The following ZPBP variants were observed in gnomAD, a reference collection of about 807,000 sequenced individuals.
ZPBP encodes zona pellucida binding protein, also known as zona pellucida-binding protein 1.
ZPBP carries 26 observed loss-of-function variants against 44.8 expected under a neutral mutation model. The ratio of observed to expected loss-of-function variants is 0.58; its 90% CI spans 0.43 to 0.81. The LOEUF (loss-of-function observed/expected upper bound fraction) is 0.81. Ranked by LOEUF, ZPBP falls within the 30% of genes least tolerant of loss-of-function variation. The pLI, the probability that ZPBP is intolerant of heterozygous loss-of-function variation, is 0.00. For synonymous variants in ZPBP, 174 were observed against 153.2 expected (o/e 1.14, Z -1.00); for missense variants, 409 against 434.0 (o/e 0.94, Z 0.51).
At chr7:50,009,522 T>TG (rs1798475099) in intron 6 of ZPBP, among the ~76,000 whole-genome samples, 1 of 152,002 alleles carries the variant, frequency 6.6e-6, no homozygotes, top group Non-Finnish European at 1.5e-5. Context: ...CAAGGCCTCC[T>TG]GCTTGCCATG....
At chr7:50,033,703 T>C (rs1208148939) in intron 4 of ZPBP, among the ~76,000 whole-genome samples, 1 of 151,878 alleles carries the variant, frequency 6.6e-6, no homozygotes, top group Non-Finnish European at 1.5e-5. Context: ...TATTTATTTA[T>C]TTATTTAGAG....
intron 6 of ZPBP, among the ~76,000 whole-genome samples, chr7:49,990,551 A>G (rs1366473675): frequency 6.6e-6 from 1 of 152,148 alleles, no homozygotes; most frequent in Non-Finnish European, 1.5e-5. Context: ...TGCACCCTGC[A>G]ACCCTGGGAC....
At position 50,001,849 on chromosome 7, in the gene ZPBP, G is replaced by C. The variant is rs138936471; in HGVS notation, c.783+16391C>G. On this transcript the variant is annotated intron_variant, in intron 6 of 7. Coordinates refer to ENST00000046087, the MANE Select transcript of ZPBP (RefSeq NM_007009.3). ...AAAATGTAAAAGAGAAGAGAGAGCT[G>C]CATAGAGTGAGCCCTCAGAACTGTG... Among the ~76,000 whole-genome samples the C allele has an allele frequency of 1.6e-3, 237 of 152,262 alleles. 2 individuals are homozygous for C. Among genetic ancestry groups the C allele is most frequent in the African/African-American group, 5.3e-3 (221 of 41,554 alleles).
intron 4 of ZPBP, among the ~76,000 whole-genome samples, chr7:50,047,839 T>C (rs1281533902): frequency 6.6e-6 from 1 of 152,110 alleles, no homozygotes; most frequent in Non-Finnish European, 1.5e-5. Context: ...AATAGGTCAT[T>C]AGAAGATCTG....
At chr7:49,941,658 A>G (rs1353545749) in intron 7 of ZPBP, among the ~76,000 whole-genome samples, 1 of 152,184 alleles carries the variant, frequency 6.6e-6, no homozygotes, top group Non-Finnish European at 1.5e-5. Context: ...ATAAATAGAA[A>G]GACATATCAT....
intron 1 of ZPBP, chr7:49,916,487 C>T (rs889720692): frequency 1.1e-4 from 16 of 152,150 alleles, no homozygotes; most frequent in African/African-American, 3.9e-4. Flanking sequence ...ACTCTATGTC[C>T]CAGTAATAGT....
intron 7 of ZPBP, among the ~76,000 whole-genome samples, chr7:49,959,089 T>C (rs1400099442): frequency 6.6e-6 from 1 of 152,076 alleles, no homozygotes. Flanking sequence ...CAGATGTTCT[T>C]TGTCGGTTTT....
intron 1 of ZPBP, chr7:49,918,606 T>TTGTGG (rs1258586586): frequency 6.6e-6 from 1 of 152,230 alleles, no homozygotes; most frequent in African/African-American, 2.4e-5. Flanking sequence ...TAACCAAATA[T>TTGTGG]TGTGACCCAG....
chr7:49,980,266 T>G (rs1796774022), intron 7 of ZPBP, among the ~76,000 whole-genome samples: 1 of 114,780 alleles, frequency 8.7e-6, no homozygotes. Flanking sequence ...ACATATAATA[T>G]AAATATATAA....
intron 7 of ZPBP, among the ~76,000 whole-genome samples, chr7:49,970,681 A>T (rs1355797093): frequency 6.6e-6 from 1 of 151,672 alleles, no homozygotes; most frequent in African/African-American, 2.4e-5. Context: ...ATATGTGGAC[A>T]TTAAACAATA....
chr7:50,011,316 G>A (rs897533073), intron 6 of ZPBP, among the ~76,000 whole-genome samples: 5 of 152,182 alleles, frequency 3.3e-5, no homozygotes, highest in South Asian at 4.1e-4. Flanking sequence ...AAGAGTTCAT[G>A]ACGATGAATG....
intron 2 of ZPBP, among the ~76,000 whole-genome samples, chr7:49,877,615 T>C (rs1171955759): frequency 6.8e-6 from 1 of 146,410 alleles, no homozygotes; most frequent in Admixed American, 6.8e-5. Flanking sequence ...TGGACCAAAT[T>C]TGGTCTGTAA....
At chr7:50,013,150 T>C (rs1798664579) in intron 6 of ZPBP, among the ~76,000 whole-genome samples, 1 of 151,950 alleles carries the variant, frequency 6.6e-6, no homozygotes, top group Non-Finnish European at 1.5e-5. Flanking sequence ...TCTGCAGAGA[T>C]AAAATTATTA....
chr7:49,937,107 G>T (rs1794644561), downstream of ZPBP, among the ~76,000 whole-genome samples: 1 of 152,030 alleles, frequency 6.6e-6, no homozygotes, highest in Non-Finnish European at 1.5e-5. Flanking sequence ...TGTGAAAGGT[G>T]AAACTAGAAT....
At chr7:50,005,869 T>G (rs1049726644) in intron 6 of ZPBP, among the ~76,000 whole-genome samples, 8 of 128,296 alleles carry the variant, frequency 6.2e-5, no homozygotes, top group South Asian at 5.2e-4. Flanking sequence ...GTGTGTGTGT[T>G]TTGCCTACAT....
downstream of ZPBP, among the ~76,000 whole-genome samples, chr7:49,934,061 A>AG (rs1267652681): frequency 4.6e-5 from 7 of 151,662 alleles, no homozygotes; most frequent in Middle Eastern, 3.4e-3. Context: ...ATTAAAAAAA[A>AG]AAAAAAGAAC....
chr7:49,997,967 G>C (rs1001283644), intron 6 of ZPBP, among the ~76,000 whole-genome samples: 2 of 151,924 alleles, frequency 1.3e-5, no homozygotes, highest in African/African-American at 4.8e-5. Flanking sequence ...ATCCAGGCTG[G>C]AGTACAGTGG....
intron 2 of ZPBP, among the ~76,000 whole-genome samples, chr7:49,886,334 C>A (rs1019855362): frequency 1.3e-5 from 2 of 152,096 alleles, no homozygotes; most frequent in African/African-American, 2.4e-5. Context: ...ACCACATTAG[C>A]CTGACCTCTA....
At chr7:49,915,324 C>G (rs1339245355) in intron 1 of ZPBP, 1 of 152,158 alleles carries the variant, frequency 6.6e-6, no homozygotes, top group African/African-American at 2.4e-5. Flanking sequence ...GTCTGTAAGC[C>G]TTGAAACTAA....
Sources: gnomAD v4.1 joint callset for allele counts (sites outside exome capture counted in the v4.1 genomes callset) on GRCh38, gnomAD v4.1.1 for gene constraint, MANE v1.5 for transcripts, NCBI Gene and HGNC (gene_info 2026-07-23, HGNC 2026-07-21) for gene names.